GRM7: variants seen among roughly 807,000 people sequenced by gnomAD.
GRM7 encodes the protein metabotropic glutamate receptor 7.
Under a neutral mutation model 84.5 loss-of-function variants are expected in GRM7, and 35 were observed. That is an observed-to-expected ratio of 0.41 (90% confidence interval 0.32 to 0.55). The LOEUF (loss-of-function observed/expected upper bound fraction) is 0.55. Among genes scored for constraint, GRM7 ranks in the 20% least tolerant of loss-of-function variants. The pLI is 0.19. For synonymous variants in GRM7, 487 were observed against 455.1 expected (o/e 1.07, Z -0.89); for missense variants, 1,003 against 1,194.6 (o/e 0.84, Z 2.36).
intron 7 of GRM7, among the ~76,000 whole-genome samples, chr3:7,479,060 G>C (rs1189247276): frequency 2.6e-5 from 4 of 152,066 alleles, no homozygotes; most frequent in African/African-American, 9.7e-5. Flanking sequence ...CATATGTAAA[G>C]TGGGGACATT....
intron 8 of GRM7, among the ~76,000 whole-genome samples, chr3:7,611,865 T>C (rs550698541): frequency 3.1e-4 from 47 of 152,312 alleles, no homozygotes; most frequent in Middle Eastern, 6.8e-3. Flanking sequence ...AGTTAATTCA[T>C]AGTATGAGAA....
intron 1 of GRM7, among the ~76,000 whole-genome samples, chr3:7,000,880 T>C (rs984899160): frequency 1.3e-5 from 2 of 152,060 alleles, no homozygotes; most frequent in African/African-American, 2.4e-5. Context: ...AGCCAGACAA[T>C]GGGACAGAGA....
chr3:7,568,391 G>T (rs995798662), intron 7 of GRM7, among the ~76,000 whole-genome samples: 1 of 152,240 alleles, frequency 6.6e-6, no homozygotes, highest in Non-Finnish European at 1.5e-5. Context: ...AAGGTGAAAG[G>T]CAAGGAAGAG....
intron 2 of GRM7, among the ~76,000 whole-genome samples, chr3:7,240,464 A>G (rs529580276): frequency 1.3e-5 from 2 of 152,142 alleles, no homozygotes; most frequent in South Asian, 2.1e-4. Context: ...TTATTTTTGC[A>G]ATATGTTTAG....
intron 2 of GRM7, among the ~76,000 whole-genome samples, chr3:7,266,422 G>A (rs1446767963): frequency 6.6e-6 from 1 of 152,156 alleles, no homozygotes; most frequent in Non-Finnish European, 1.5e-5. Context: ...AGCGTAGGTA[G>A]AGGTTGCTGG....
chr3:7,298,509 G>A, intron 2 of GRM7, 175 bp from the exon 3 acceptor site: 1 of 583,668 alleles, frequency 1.7e-6, no homozygotes. Context: ...AGTGCATTAG[G>A]TATGAACAAC....
intron 2 of GRM7, among the ~76,000 whole-genome samples, chr3:7,148,869 G>A (rs952662976): frequency 6.6e-6 from 1 of 152,088 alleles, no homozygotes; most frequent in Non-Finnish European, 1.5e-5. Flanking sequence ...AAAGCCAGCT[G>A]GTGCTGCAGA....
At chr3:6,990,936 G>T (rs559554935) in intron 1 of GRM7, among the ~76,000 whole-genome samples, 4 of 152,272 alleles carry the variant, frequency 2.6e-5, no homozygotes, top group African/African-American at 7.2e-5. Context: ...AGGAGCGGTG[G>T]TAGGAGCCTA....
At chr3:6,973,374 A>T (rs1174056744) in intron 1 of GRM7, among the ~76,000 whole-genome samples, 1 of 152,200 alleles carries the variant, frequency 6.6e-6, no homozygotes, top group Non-Finnish European at 1.5e-5. Context: ...AATAATTGGC[A>T]TCCCTATTTA....
chr3:7,302,470 C>A (rs937736190), intron 3 of GRM7, among the ~76,000 whole-genome samples: 1 of 152,078 alleles, frequency 6.6e-6, no homozygotes, highest in Non-Finnish European at 1.5e-5. Flanking sequence ...TTTTTACTTT[C>A]TTTTCCTGTT....
At chr3:7,391,802 A>C (rs1015646280) in intron 4 of GRM7, among the ~76,000 whole-genome samples, 1 of 151,250 alleles carries the variant, frequency 6.6e-6, no homozygotes, top group African/African-American at 2.4e-5. Flanking sequence ...GTCAGGGGAG[A>C]GGTAATGAAG....
intron 8 of GRM7, among the ~76,000 whole-genome samples, chr3:7,623,050 T>C (rs763023908): frequency 7.2e-5 from 11 of 152,166 alleles, no homozygotes; most frequent in Non-Finnish European, 1.5e-4. Context: ...TGATCTACCT[T>C]AACTGGAAAC....
intron 1 of GRM7, among the ~76,000 whole-genome samples, chr3:7,133,750 A>G (rs1693679045): frequency 1.3e-5 from 2 of 152,156 alleles, no homozygotes; most frequent in African/African-American, 4.8e-5. Context: ...GGTTGTCTAT[A>G]GGGATTAATC....
intron 2 of GRM7, among the ~76,000 whole-genome samples, chr3:7,282,825 A>G (rs1275469701): frequency 2.0e-5 from 3 of 152,216 alleles, no homozygotes; most frequent in African/African-American, 7.2e-5. Context: ...GTTAGATTGC[A>G]GTACCCTTTT....
intron 7 of GRM7, among the ~76,000 whole-genome samples, chr3:7,561,094 A>G (rs537160042): frequency 6.6e-6 from 1 of 152,190 alleles, no homozygotes; most frequent in Admixed American, 6.6e-5. Context: ...ATTGCAGTTC[A>G]ACTGAAACTA....
chr3:7,007,386 C>G (rs557597762), intron 1 of GRM7, among the ~76,000 whole-genome samples: 1 of 152,278 alleles, frequency 6.6e-6, no homozygotes, highest in South Asian at 2.1e-4. Context: ...AAGATCTTCC[C>G]TATAACTCTC....
intron 4 of GRM7, among the ~76,000 whole-genome samples, chr3:7,384,829 G>A (rs1694723282): frequency 3.9e-5 from 6 of 152,094 alleles, no homozygotes; most frequent in Admixed American, 3.9e-4. Flanking sequence ...GCATCTATCA[G>A]CTTTGCCTGA....
chr3:7,205,615 A>G (rs1276913036), intron 2 of GRM7, among the ~76,000 whole-genome samples: 1 of 152,246 alleles, frequency 6.6e-6, no homozygotes, highest in African/African-American at 2.4e-5. Context: ...GCAAGTCTCT[A>G]TTTGAGGATG....
At chr3:7,598,772 C>A (rs1056013863) in intron 8 of GRM7, among the ~76,000 whole-genome samples, 3 of 152,094 alleles carry the variant, frequency 2.0e-5, no homozygotes, top group Admixed American at 6.5e-5. Context: ...AGAAGGGCTT[C>A]TCCATGATGA....
Sources: allele counts gnomAD v4.1 joint callset (sites outside exome capture counted in the v4.1 genomes callset), GRCh38; gene constraint gnomAD v4.1.1; transcripts MANE v1.5; gene names NCBI Gene and HGNC (gene_info 2026-07-23, HGNC 2026-07-21).